ACOT1: variants seen among roughly 807,000 people sequenced by gnomAD.
The protein encoded by ACOT1 is acyl-coenzyme A thioesterase 1.
In ACOT1, 8 loss-of-function variants were observed where a neutral mutation model predicts 15.7. The observed-to-expected ratio is 0.51, with a 90% CI of 0.30 to 0.92. The LOEUF (loss-of-function observed/expected upper bound fraction) is 0.92. ACOT1 is among the 40% of genes least tolerant of loss of function. The pLI is 0.06. For missense variants in ACOT1, 151 were observed against 539.4 expected (o/e 0.28, Z 7.13); for synonymous variants, 67 against 241.2 (o/e 0.28, Z 6.69).
the ACOT1 span, chr14:73,522,393 T>C: frequency 6.2e-7 from 1 of 1,614,246 alleles, no homozygotes; most frequent in Non-Finnish European, 8.5e-7. Context: ...TCCAGGTCAC[T>C]GGCAGAGGTA....
At chr14:73,529,336 C>T in the ACOT1 span, 1 of 118,018 alleles carries the variant, frequency 8.5e-6, no homozygotes, top group African/African-American at 3.4e-5. Context: ...GCCTGGGCAA[C>T]AGAGTGAGAC....
At chr14:73,502,941 C>G in the ACOT1 span, 1 of 1,614,054 alleles carries the variant, frequency 6.2e-7, no homozygotes, top group South Asian at 1.1e-5. Context: ...TGCCCAAGCG[C>G]CTGTGCAGCT....
the ACOT1 span, chr14:73,498,288 T>C: frequency 6.2e-7 from 1 of 1,613,938 alleles, no homozygotes; most frequent in Non-Finnish European, 8.5e-7. Context: ...TCATAGTGGA[T>C]AGCCCAGAGC....
the ACOT1 span, among the ~76,000 whole-genome samples, chr14:73,500,026 G>A: frequency 1.3e-4 from 20 of 152,132 alleles, no homozygotes; most frequent in African/African-American, 2.2e-4. Context: ...TCAGGACATC[G>A]AGACCATCCT....
chr14:73,509,899 A>T, the ACOT1 span, among the ~76,000 whole-genome samples: 2 of 130,012 alleles, frequency 1.5e-5, no homozygotes, highest in Non-Finnish European at 3.2e-5. Flanking sequence ...TTTGAGACGG[A>T]GTCTTGTTCT....
At chr14:73,496,556 A>G in the ACOT1 span, 1 of 1,199,324 alleles carries the variant, frequency 8.3e-7, no homozygotes, top group Non-Finnish European at 1.2e-6. Flanking sequence ...GGAACTCTTG[A>G]GAGTCCTGAA....
the ACOT1 span, among the ~76,000 whole-genome samples, chr14:73,514,883 A>G: frequency 2.0e-5 from 3 of 152,184 alleles, no homozygotes; most frequent in East Asian, 1.9e-4. Context: ...CCTGGCTAAC[A>G]CGGTGAAAAC....
chr14:73,532,829 A>G (rs1202109786), upstream of ACOT1, among the ~76,000 whole-genome samples: 3 of 112,784 alleles, frequency 2.7e-5, 1 homozygote, highest in Non-Finnish European at 5.8e-5. Context: ...GGTGGTGGGC[A>G]CCTGTAGTCC....
At chr14:73,491,562 A>T in the ACOT1 span, 1 of 1,538,684 alleles carries the variant, frequency 6.5e-7, no homozygotes, top group African/African-American at 1.4e-5. Flanking sequence ...CCGGCCTGGG[A>T]CTCCCCGCTG....
upstream of ACOT1, among the ~76,000 whole-genome samples, chr14:73,536,516 T>TAAAAA (rs543491523): frequency 1.7e-5 from 1 of 59,346 alleles, no homozygotes; most frequent in African/African-American, 6.2e-5. Context: ...CCTGTCTCTT[T>TAAAAA]AAAAAAAAAA....
In ACOT1 at chr14:73,540,537, C is replaced by T. The variant is rs1281341811; in HGVS notation, c.458-956C>T. 1.8e-5 allele frequency among the ~76,000 whole-genome samples: 2 copies of T among 108,482 alleles called. 1 individual carries two copies. The highest frequency in any genetic ancestry group is 3.8e-5 in the Non-Finnish European group (2 of 52,160). 71.2% of individuals were successfully genotyped at this position (108,482 alleles called of 152,430 possible). A position where few individuals can be genotyped will look rare whatever the true frequency, so the allele number is the denominator to read the frequency against. ...CATTCAGTATCATTCCATTTAGATA[C>T]AGTTCAAAAAATAGGCAAAATAAAA... On this transcript the variant is annotated intron_variant, in intron 1 of 2. Coordinates refer to ENST00000311148, the MANE Select transcript of ACOT1 (RefSeq NM_001037161.2).
At chr14:73,509,322 G>A in the ACOT1 span, 1 of 1,614,012 alleles carries the variant, frequency 6.2e-7, no homozygotes, top group Non-Finnish European at 8.5e-7. Context: ...CCTTCAGAAG[G>A]GCAGTCTGCA....
At chr14:73,512,130 C>G in the ACOT1 span, 1 of 1,614,040 alleles carries the variant, frequency 6.2e-7, no homozygotes, top group Non-Finnish European at 8.5e-7. Context: ...TCTCTACTGT[C>G]TCATGGTGCC....
At chr14:73,512,773 G>T in the ACOT1 span, among the ~76,000 whole-genome samples, 1 of 152,160 alleles carries the variant, frequency 6.6e-6, no homozygotes, top group Non-Finnish European at 1.5e-5. Context: ...GCAGGTATCA[G>T]ACTTTTATTT....
the ACOT1 span, among the ~76,000 whole-genome samples, chr14:73,516,669 A>G: frequency 1.4e-4 from 22 of 152,316 alleles, no homozygotes; most frequent in East Asian, 4.2e-3. Context: ...GTACCAGTTC[A>G]TGGCCTGTTA....
chr14:73,506,804 G>GTTTTTTTTGTTTTTTTTTTTT, the ACOT1 span, among the ~76,000 whole-genome samples: 1 of 80,522 alleles, frequency 1.2e-5, no homozygotes, highest in East Asian at 5.8e-4. Context: ...GACTTTAACT[G>GTTTTTTTTGTTTTTTTTTTTT]TTTTTTTTTT....
chr14:73,495,424 A>G, the ACOT1 span: 1 of 1,553,736 alleles, frequency 6.4e-7, no homozygotes, highest in East Asian at 2.2e-5. Context: ...AAACAAAACA[A>G]AACACCTGTA....
chr14:73,491,550 A>T, the ACOT1 span: 1 of 1,534,758 alleles, frequency 6.5e-7, no homozygotes, highest in Non-Finnish European at 8.7e-7. Flanking sequence ...ACGGGTGGGG[A>T]GCCGGCCTGG....
upstream of ACOT1, among the ~76,000 whole-genome samples, chr14:73,534,415 G>A (rs528902045): frequency 5.5e-5 from 6 of 109,208 alleles, no homozygotes; most frequent in African/African-American, 1.8e-4. Flanking sequence ...AAACATGGCC[G>A]AGTGTAGTGG....
Sources: gnomAD v4.1 joint callset for allele counts (sites outside exome capture counted in the v4.1 genomes callset) on GRCh38, gnomAD v4.1.1 for gene constraint, MANE v1.5 for transcripts, NCBI Gene and HGNC (gene_info 2026-07-23, HGNC 2026-07-21) for gene names.